Variants in ROBO1 observed in about 807,000 individuals in gnomAD.
The protein encoded by ROBO1 is roundabout guidance receptor 1.
A neutral mutation model predicts 195.9 loss-of-function variants in ROBO1; 149 were observed. That is an observed-to-expected ratio of 0.76 (90% CI 0.67 to 0.87). The LOEUF is 0.87. ROBO1 is among the 40% of genes least tolerant of loss of function. The pLI is 0.00. For synonymous variants in ROBO1, 816 were observed against 733.2 expected (o/e 1.11, Z -1.82); for missense variants, 1,933 against 2,068.3 (o/e 0.93, Z 1.27).
intron 1 of ROBO1, among the ~76,000 whole-genome samples, chr3:79,677,498 C>T (rs115809124): frequency 0.033 from 4,949 of 152,082 alleles, 111 homozygotes; most frequent in Middle Eastern, 0.068. Flanking sequence ...TTTAAGCCAT[C>T]AGATGTTATG....
chr3:79,042,293 C>T (rs969116540), intron 3 of ROBO1, among the ~76,000 whole-genome samples: 1 of 152,074 alleles, frequency 6.6e-6, no homozygotes, highest in Non-Finnish European at 1.5e-5. Flanking sequence ...ATATATAATG[C>T]AACCTCTCAC....
At chr3:78,965,271 C>T (rs2076616600) in intron 3 of ROBO1, among the ~76,000 whole-genome samples, 1 of 152,094 alleles carries the variant, frequency 6.6e-6, no homozygotes, top group Non-Finnish European at 1.5e-5. Flanking sequence ...ACCAAACTAG[C>T]ACACTTACAT....
intron 4 of ROBO1, among the ~76,000 whole-genome samples, chr3:78,912,551 T>C (rs1189490545): frequency 6.6e-6 from 1 of 152,164 alleles, no homozygotes; most frequent in Admixed American, 6.5e-5. Context: ...GAGATTAGCA[T>C]GGGAGACAGG....
intron 2 of ROBO1, among the ~76,000 whole-genome samples, chr3:79,364,673 T>G (rs1412541702): frequency 1.3e-5 from 2 of 152,124 alleles, no homozygotes; most frequent in African/African-American, 4.8e-5. Flanking sequence ...ATCAATCCAG[T>G]TTCTGTATAT....
intron 2 of ROBO1, among the ~76,000 whole-genome samples, chr3:79,547,048 G>A (rs1311474629): frequency 1.3e-5 from 2 of 151,718 alleles, no homozygotes; most frequent in East Asian, 3.9e-4. Context: ...AGCCGGGCGT[G>A]GTGGCGGGTG....
chr3:78,607,871 A>C (rs1703557947), intron 28 of ROBO1, among the ~76,000 whole-genome samples: 1 of 152,164 alleles, frequency 6.6e-6, no homozygotes, highest in Non-Finnish European at 1.5e-5. Context: ...CAGAACCAGG[A>C]CTAACCAATG....
chr3:78,946,509 G>A (rs2040454170), intron 3 of ROBO1, among the ~76,000 whole-genome samples: 2 of 152,156 alleles, frequency 1.3e-5, no homozygotes, highest in Admixed American at 6.5e-5. Context: ...CCCTAAAAGA[G>A]CTCCTGAAGG....
chr3:79,699,633 A>G (rs867531349), intron 1 of ROBO1, among the ~76,000 whole-genome samples: 1 of 151,312 alleles, frequency 6.6e-6, no homozygotes, highest in African/African-American at 2.4e-5. Flanking sequence ...AGGAGCTGCT[A>G]TTTATTAAAA....
intron 3 of ROBO1, among the ~76,000 whole-genome samples, chr3:79,046,116 T>A (rs1359413774): frequency 1.3e-5 from 2 of 152,252 alleles, no homozygotes; most frequent in East Asian, 3.9e-4. Context: ...CTTTTGAGAT[T>A]AGGTTTCAAA....
At chr3:78,734,985 C>T (rs2082362098) in intron 5 of ROBO1, among the ~76,000 whole-genome samples, 1 of 152,034 alleles carries the variant, frequency 6.6e-6, no homozygotes, top group African/African-American at 2.4e-5. Flanking sequence ...CAAAAATGGG[C>T]ATGCAGATTA....
intron 4 of ROBO1, among the ~76,000 whole-genome samples, chr3:78,912,926 C>A (rs1351996901): frequency 6.6e-6 from 1 of 152,020 alleles, no homozygotes; most frequent in Non-Finnish European, 1.5e-5. Context: ...CCCTCTTGAA[C>A]GTCCAATTTT....
At chr3:79,479,263 A>G (rs1176681845) in intron 2 of ROBO1, among the ~76,000 whole-genome samples, 7 of 152,148 alleles carry the variant, frequency 4.6e-5, no homozygotes, top group Non-Finnish European at 1.0e-4. Context: ...GATGGGGGAA[A>G]TGGTTTCAGG....
chr3:78,837,243 C>A (rs924876305), intron 4 of ROBO1, among the ~76,000 whole-genome samples: 1 of 151,992 alleles, frequency 6.6e-6, no homozygotes, highest in Non-Finnish European at 1.5e-5. Context: ...AACGTAAGCA[C>A]AAAATTTAAA....
At chr3:79,375,712 A>C (rs2036358809) in intron 2 of ROBO1, among the ~76,000 whole-genome samples, 1 of 152,238 alleles carries the variant, frequency 6.6e-6, no homozygotes, top group Non-Finnish European at 1.5e-5. Flanking sequence ...GGTCAATGGA[A>C]TAGCAATGAA....
intron 2 of ROBO1, among the ~76,000 whole-genome samples, chr3:79,558,730 A>G (rs1348294454): frequency 6.6e-6 from 1 of 152,356 alleles, no homozygotes; most frequent in Non-Finnish European, 1.5e-5. Context: ...TTAAAACTGC[A>G]TGATAGAGTT....
At chr3:79,648,119 C>G (rs1054516019) in intron 1 of ROBO1, among the ~76,000 whole-genome samples, 2 of 151,914 alleles carry the variant, frequency 1.3e-5, no homozygotes, top group Non-Finnish European at 2.9e-5. Context: ...ACTGAGATAC[C>G]CATACATTAT....
rs368110549 is a variant in ROBO1, at chr3:79,303,159, G to GTTTTTTTTTTTTTTTTTTTTTT, written c.89-177621_89-177620insAAAAAAAAAAAAAAAAAAAAAA. Reference sequence around the variant, plus strand: ...ATTAATATATGAATTATCTCACATAGGTTTTTTTTTTTTTTTTTTTTTTTG... The same window carrying GTTTTTTTTTTTTTTTTTTTTTT: ...ATTAATATATGAATTATCTCACATAGTTTTTTTTTTTTTTTTTTTTTTGTTTTTTTTTTTTTTTTTTTTTTTG... On this transcript the variant is annotated intron_variant, in intron 2 of 30. Coordinates refer to ENST00000464233, the MANE Select transcript of ROBO1 (RefSeq NM_002941.4). Among the ~76,000 whole-genome samples the GTTTTTTTTTTTTTTTTTTTTTT allele has an allele frequency of 3.3e-4, 24 of 72,090 alleles. 11 individuals carry two copies. Among genetic ancestry groups the GTTTTTTTTTTTTTTTTTTTTTT allele is most frequent in the Non-Finnish European group, 2.9e-4 (12 of 41,250 alleles). The allele number at this position is 72,090 out of a possible 152,430, so 47.3% of individuals were successfully genotyped here.
At chr3:78,648,439 A>G (rs1054602924) in intron 19 of ROBO1, among the ~76,000 whole-genome samples, 15 of 152,054 alleles carry the variant, frequency 9.9e-5, no homozygotes, top group Admixed American at 1.3e-4. Flanking sequence ...ACAATAGAAC[A>G]ATAACACCCT....
intron 3 of ROBO1, among the ~76,000 whole-genome samples, chr3:79,028,698 T>C (rs183039755): frequency 6.6e-6 from 1 of 151,960 alleles, no homozygotes; most frequent in Non-Finnish European, 1.5e-5. Flanking sequence ...AACCAACATA[T>C]GTAAGAGTAA....
Sources: allele counts gnomAD v4.1 joint callset (sites outside exome capture counted in the v4.1 genomes callset), GRCh38; gene constraint gnomAD v4.1.1; transcripts MANE v1.5; gene names NCBI Gene and HGNC (gene_info 2026-07-23, HGNC 2026-07-21).